Variants in CLVS1 observed in about 807,000 individuals in gnomAD.
CLVS1 encodes the protein clavesin 1.
Under a neutral mutation model 33.1 loss-of-function variants are expected in CLVS1, and 10 were observed. The ratio of observed to expected loss-of-function variants is 0.30; its 90% CI spans 0.19 to 0.51. The LOEUF (loss-of-function observed/expected upper bound fraction) is 0.51. Ranked by LOEUF, CLVS1 falls within the 20% of genes least tolerant of loss-of-function variation. The probability of loss-of-function intolerance (pLI) is 0.97; values close to 1 mark genes in which losing one functional copy is unlikely to be tolerated. For missense variants in CLVS1, 343 were observed against 433.4 expected (o/e 0.79, Z 1.85); for synonymous variants, 163 against 166.1 (o/e 0.98, Z 0.14).
chr8:61,496,573 C>T (rs1302185822), intron 5 of CLVS1, among the ~76,000 whole-genome samples: 2 of 152,138 alleles, frequency 1.3e-5, no homozygotes, highest in Non-Finnish European at 2.9e-5. Context: ...CTTCCTCTGC[C>T]CTATCCCAGC....
chr8:61,307,076 A>G (rs1810656038), intron 2 of CLVS1, among the ~76,000 whole-genome samples: 1 of 152,242 alleles, frequency 6.6e-6, no homozygotes. Context: ...TGGTGAATCC[A>G]GATAATAAAA....
At chr8:61,146,206 T>G (rs1806411771) in intron 2 of CLVS1, among the ~76,000 whole-genome samples, 1 of 152,190 alleles carries the variant, frequency 6.6e-6, no homozygotes, top group African/African-American at 2.4e-5. Context: ...CAGCTTGTTA[T>G]TAGCTGAATT....
chr8:61,462,251 G>A (rs1817393726), intron 5 of CLVS1, among the ~76,000 whole-genome samples: 1 of 152,206 alleles, frequency 6.6e-6, no homozygotes, highest in Non-Finnish European at 1.5e-5. Context: ...AATCTTGAAT[G>A]TTCTAGAATG....
chr8:61,143,165 T>A (rs1806341689), intron 2 of CLVS1, among the ~76,000 whole-genome samples: 1 of 152,052 alleles, frequency 6.6e-6, no homozygotes, highest in African/African-American at 2.4e-5. Flanking sequence ...ACCAGACAAA[T>A]CAGAAACCAT....
intron 1 of CLVS1, among the ~76,000 whole-genome samples, chr8:61,120,543 G>A (rs1396749860): frequency 2.3e-5 from 2 of 87,210 alleles, no homozygotes; most frequent in Non-Finnish European, 4.0e-5. Flanking sequence ...ATGTACAGAT[G>A]GGTTTTTGGT....
At chr8:61,281,448 T>C (rs1452492820) in intron 2 of CLVS1, among the ~76,000 whole-genome samples, 3 of 152,140 alleles carry the variant, frequency 2.0e-5, no homozygotes, top group African/African-American at 7.2e-5. Flanking sequence ...ATTAGGAATG[T>C]GCATAAACAG....
At chr8:60,990,125 CAAAAAAAAAAA>C in the CLVS1 span, among the ~76,000 whole-genome samples, 5 of 38,306 alleles carry the variant, frequency 1.3e-4, no homozygotes, top group South Asian at 1.5e-3. Context: ...ACTCCATCTC[CAAAAAAAAAAA>C]AAAAAAAAAA....
the CLVS1 span, among the ~76,000 whole-genome samples, chr8:61,023,238 T>C: frequency 6.6e-6 from 1 of 152,222 alleles, no homozygotes; most frequent in Non-Finnish European, 1.5e-5. Context: ...TTTGCGTACT[T>C]TAGAGGTAGT....
chr8:61,110,522 G>C (rs1805607573), intron 1 of CLVS1, among the ~76,000 whole-genome samples: 1 of 152,062 alleles, frequency 6.6e-6, no homozygotes, highest in Admixed American at 6.5e-5. Context: ...AAAAAAAAAA[G>C]TTTTTTAATT....
At chr8:61,185,920 T>C (rs1276522489) in intron 2 of CLVS1, among the ~76,000 whole-genome samples, 2 of 152,236 alleles carry the variant, frequency 1.3e-5, no homozygotes, top group African/African-American at 4.8e-5. Flanking sequence ...CCGTTGGTAT[T>C]ACTGCCATGT....
At chr8:61,434,566 T>C (rs1816243002) in intron 3 of CLVS1, among the ~76,000 whole-genome samples, 1 of 152,198 alleles carries the variant, frequency 6.6e-6, no homozygotes, top group Non-Finnish European at 1.5e-5. Context: ...AGAAATACAT[T>C]GATTTGGCTC....
the CLVS1 span, among the ~76,000 whole-genome samples, chr8:60,997,380 C>T: frequency 2.0e-4 from 31 of 152,308 alleles, no homozygotes; most frequent in Admixed American, 2.6e-4. Flanking sequence ...AGGTTTACAG[C>T]ACAACACAGC....
the CLVS1 span, among the ~76,000 whole-genome samples, chr8:60,998,456 G>A: frequency 6.6e-6 from 1 of 152,114 alleles, no homozygotes; most frequent in East Asian, 1.9e-4. Context: ...GGGTGAGGGT[G>A]GGGGCGTCCT....
chr8:61,231,286 G>GCACACACACACACACACACACACACACA (rs4033613), intron 2 of CLVS1, among the ~76,000 whole-genome samples: 2 of 150,078 alleles, frequency 1.3e-5, no homozygotes, highest in African/African-American at 4.9e-5. Context: ...ACCTGTGCTT[G>GCACACACACACACACACACACACACACA]CACACACACA....
intron 2 of CLVS1, among the ~76,000 whole-genome samples, chr8:61,188,180 A>T (rs936639423): frequency 1.3e-5 from 2 of 152,190 alleles, no homozygotes; most frequent in Non-Finnish European, 2.9e-5. Flanking sequence ...TTGGATGTAG[A>T]CTAAACCTCT....
chr8:61,423,083 G>T (rs1200509133), intron 3 of CLVS1, among the ~76,000 whole-genome samples: 1 of 152,072 alleles, frequency 6.6e-6, no homozygotes, highest in African/African-American at 2.4e-5. Context: ...GCATCTCAAA[G>T]CATTGTCAGA....
At chr8:61,059,298 G>A (rs1804534840) in intron 1 of CLVS1, among the ~76,000 whole-genome samples, 1 of 151,702 alleles carries the variant, frequency 6.6e-6, no homozygotes, top group Non-Finnish European at 1.5e-5. Flanking sequence ...ATGATGCTGA[G>A]TATCTTTTCA....
the CLVS1 span, among the ~76,000 whole-genome samples, chr8:60,993,487 G>A: frequency 1.3e-5 from 2 of 152,338 alleles, no homozygotes; most frequent in Admixed American, 6.5e-5. Context: ...TCACCTCTGT[G>A]CCTCAGGCTT....
At chr8:61,445,615 T>A (rs575348104) in intron 3 of CLVS1, among the ~76,000 whole-genome samples, 4 of 152,322 alleles carry the variant, frequency 2.6e-5, no homozygotes, top group East Asian at 1.9e-4. Context: ...TCCTTTTTTT[T>A]ATAATTTGTT....
Sources: gnomAD v4.1 joint callset for allele counts (sites outside exome capture counted in the v4.1 genomes callset) on GRCh38, gnomAD v4.1.1 for gene constraint, MANE v1.5 for transcripts, NCBI Gene and HGNC (gene_info 2026-07-23, HGNC 2026-07-21) for gene names.